Variants in DYM observed in about 807,000 individuals in gnomAD.
DYM encodes dymeclin, also known as dyggve-Melchior-Clausen syndrome protein.
In DYM, 78 loss-of-function variants were observed where a neutral mutation model predicts 93.1. That is an observed-to-expected ratio of 0.84 (90% CI 0.70 to 1.01). The LOEUF (loss-of-function observed/expected upper bound fraction) is 1.01. DYM is among the 50% of genes least tolerant of loss of function. The pLI is 0.00. For missense variants in DYM, 789 were observed against 845.0 expected (o/e 0.93, Z 0.82); for synonymous variants, 321 against 319.7 (o/e 1.00, Z -0.04).
At chr18:49,413,894 C>T (rs1234067943) in intron 2 of DYM, among the ~76,000 whole-genome samples, 3 of 152,060 alleles carry the variant, frequency 2.0e-5, no homozygotes, top group Admixed American at 6.6e-5. Context: ...CTTGTAATCC[C>T]AACTACTTGG....
At chr18:49,256,541 T>C (rs938560890) in intron 13 of DYM, among the ~76,000 whole-genome samples, 2 of 152,212 alleles carry the variant, frequency 1.3e-5, no homozygotes, top group Non-Finnish European at 2.9e-5. Context: ...ACTTCTAAAC[T>C]AGAGAATTTT....
At chr18:49,401,236 G>C (rs902999036) in intron 2 of DYM, among the ~76,000 whole-genome samples, 1 of 152,176 alleles carries the variant, frequency 6.6e-6, no homozygotes. Flanking sequence ...CTTAGTCAAA[G>C]TAGCTAAACA....
intron 9 of DYM, among the ~76,000 whole-genome samples, chr18:49,282,723 T>C (rs1414113200): frequency 6.6e-6 from 1 of 152,148 alleles, no homozygotes; most frequent in Non-Finnish European, 1.5e-5. Context: ...TATAAGAACA[T>C]GAACTTAAAT....
At chr18:49,219,003 C>A (rs187979961) in intron 13 of DYM, among the ~76,000 whole-genome samples, 4 of 151,932 alleles carry the variant, frequency 2.6e-5, no homozygotes, top group Non-Finnish European at 5.9e-5. Flanking sequence ...ATTGATAGAC[C>A]GCTAGCAAGA....
intron 6 of DYM, among the ~76,000 whole-genome samples, chr18:49,355,800 G>A (rs1265381288): frequency 6.6e-6 from 1 of 151,322 alleles, no homozygotes; most frequent in Non-Finnish European, 1.5e-5. Flanking sequence ...AAAACTAAAT[G>A]TAAAAAAATA....
At chr18:49,205,986 G>C (rs2092457918) in intron 14 of DYM, 1 of 99,958 alleles carries the variant, frequency 1.0e-5, no homozygotes, top group Admixed American at 1.1e-4. Context: ...GTTTGACTAA[G>C]GTAGAGTTTT....
At chr18:49,221,836 G>A (rs998650778) in intron 13 of DYM, among the ~76,000 whole-genome samples, 5 of 151,984 alleles carry the variant, frequency 3.3e-5, no homozygotes, top group Non-Finnish European at 2.9e-5. Flanking sequence ...GAGCACACCA[G>A]CATGGCACAT....
intron 13 of DYM, among the ~76,000 whole-genome samples, chr18:49,244,389 CA>C (rs2094117247): frequency 6.6e-6 from 1 of 152,162 alleles, no homozygotes; most frequent in Non-Finnish European, 1.5e-5. Context: ...AACATGTCAA[CA>C]GGGGGATCAC....
intron 5 of DYM, chr18:49,368,517 C>G (rs2066711520): frequency 6.6e-6 from 1 of 152,070 alleles, no homozygotes; most frequent in Non-Finnish European, 1.5e-5. Flanking sequence ...TTACCTATAA[C>G]TAATAAGGTT....
intron 14 of DYM, among the ~76,000 whole-genome samples, chr18:49,194,560 A>G (rs1600516394): frequency 2.0e-5 from 3 of 152,312 alleles, no homozygotes; most frequent in South Asian, 4.1e-4. Flanking sequence ...GTTAGTTAAT[A>G]AGTATTTTTG....
chr18:49,052,100 C>A (rs1452056640), intron 17 of DYM, among the ~76,000 whole-genome samples: 2 of 152,230 alleles, frequency 1.3e-5, no homozygotes, highest in Non-Finnish European at 2.9e-5. Context: ...CCAGGACTGG[C>A]TACACAGAGT....
intron 1 of DYM, among the ~76,000 whole-genome samples, chr18:49,441,147 A>ATTTATATAAATATATT (rs2081467614): frequency 1.7e-3 from 3 of 1,800 alleles, no homozygotes; most frequent in Admixed American, 0.018. Context: ...TATATTATAT[A>ATTTATATAAATATATT]ATATAATATA....
intron 5 of DYM, among the ~76,000 whole-genome samples, chr18:49,370,163 A>C (rs942375304): frequency 6.6e-6 from 1 of 151,598 alleles, no homozygotes; most frequent in Non-Finnish European, 1.5e-5. Context: ...CTGTAATCCT[A>C]GCTACTTGGG....
chr18:49,133,399 T>G (rs1222092767), intron 15 of DYM, among the ~76,000 whole-genome samples: 1 of 152,210 alleles, frequency 6.6e-6, no homozygotes, highest in Non-Finnish European at 1.5e-5. Flanking sequence ...TTTAGCCGCT[T>G]AAAACAACAC....
intron 2 of DYM, among the ~76,000 whole-genome samples, chr18:49,412,639 G>A (rs1277134768): frequency 1.3e-5 from 2 of 152,140 alleles, no homozygotes; most frequent in African/African-American, 4.8e-5. Context: ...TTAGAAGATG[G>A]TTTAGCAGCG....
chr18:49,148,923 T>G (rs1410456480), intron 15 of DYM, among the ~76,000 whole-genome samples: 1 of 152,202 alleles, frequency 6.6e-6, no homozygotes. Flanking sequence ...CACATTACAT[T>G]TATTGTGCAC....
At chr18:49,288,281 A>G (rs1379796450) in intron 8 of DYM, among the ~76,000 whole-genome samples, 1 of 152,216 alleles carries the variant, frequency 6.6e-6, no homozygotes, top group Non-Finnish European at 1.5e-5. Context: ...ATAAAAATTA[A>G]AAGCTTTACA....
At chr18:49,255,983 C>T (rs1191463307) in intron 13 of DYM, among the ~76,000 whole-genome samples, 3 of 149,454 alleles carry the variant, frequency 2.0e-5, no homozygotes, top group African/African-American at 7.4e-5. Context: ...ACTCGGGAGG[C>T]TGAGGCAGGA....
intron 16 of DYM, among the ~76,000 whole-genome samples, chr18:49,113,637 C>T (rs1318945218): frequency 6.6e-6 from 1 of 152,078 alleles, no homozygotes; most frequent in East Asian, 1.9e-4. Context: ...CAGTCTTTCA[C>T]AGAGTTAACT....
Sources: allele counts gnomAD v4.1 joint callset (sites outside exome capture counted in the v4.1 genomes callset), GRCh38; gene constraint gnomAD v4.1.1; transcripts MANE v1.5; gene names NCBI Gene and HGNC (gene_info 2026-07-23, HGNC 2026-07-21).